CDH23: variants seen among roughly 807,000 people sequenced by gnomAD.
The protein encoded by CDH23 is cadherin-23.
A neutral mutation model predicts 317.1 loss-of-function variants in CDH23; 189 were observed. The observed-to-expected ratio is 0.60, with a 90% CI of 0.53 to 0.67. The LOEUF is 0.67. CDH23 is among the 30% of genes least tolerant of loss of function. The probability of loss-of-function intolerance (pLI) is 0.00; values close to 1 mark genes in which losing one functional copy is unlikely to be tolerated. For missense variants in CDH23, 4,401 were observed against 4,592.4 expected, an observed-to-expected ratio of 0.96 and a Z score of 1.20; for synonymous variants, 1,839 against 1,876.8, an observed-to-expected ratio of 0.98 and a Z score of 0.52.
chr10:71,409,923 C>G (rs1848274302), intron 1 of CDH23, among the ~76,000 whole-genome samples: 1 of 152,208 alleles, frequency 6.6e-6, no homozygotes, highest in East Asian at 1.9e-4. Context: ...TGTGCCTGGT[C>G]TGGGTGGGTG....
chr10:71,502,043 C>T (rs1853366832), intron 3 of CDH23, among the ~76,000 whole-genome samples: 1 of 152,240 alleles, frequency 6.6e-6, no homozygotes, highest in East Asian at 1.9e-4. Context: ...AGGCGGCCCT[C>T]TCCCGGCCAG....
At chr10:71,531,507 A>G (rs1314013150) in intron 6 of CDH23, among the ~76,000 whole-genome samples, 1 of 152,214 alleles carries the variant, frequency 6.6e-6, no homozygotes, top group African/African-American at 2.4e-5. Flanking sequence ...AGTCGCCCAC[A>G]GCCTTTGCCT....
intron 38 of CDH23, chr10:71,760,570 C>T (rs1196482455): frequency 6.5e-6 from 2 of 306,132 alleles, no homozygotes; most frequent in Non-Finnish European, 1.2e-5. Flanking sequence ...CACTTAGCTG[C>T]CTGGGGCACC....
In CDH23 at chr10:71,716,059, C is replaced by G. The variant is rs770226841; in HGVS notation, c.3369+3246C>G. ...TGTGCAGGGAGAGGCGCAAGGAGCCCAGGCGCTTCCAGAGCCGGAGCTGGG... is the reference window on the plus strand; with the variant it reads ...TGTGCAGGGAGAGGCGCAAGGAGCCGAGGCGCTTCCAGAGCCGGAGCTGGG... On this transcript the variant is annotated intron_variant, in intron 28 of 69. Coordinates refer to ENST00000224721, the MANE Select transcript of CDH23 (RefSeq NM_022124.6). The G allele has an allele frequency of 3.0e-5, 45 of 1,512,330 alleles. No individual in the cohort carries two copies. In the African/African-American group the frequency reaches 5.2e-4, roughly 17 times the overall value. The allele number at this position is 1,512,330 out of a possible 1,614,324, so 93.7% of individuals were successfully genotyped here.
intron 38 of CDH23, chr10:71,755,417 G>A (rs1186317060): frequency 1.2e-6 from 2 of 1,613,568 alleles, no homozygotes; most frequent in South Asian, 2.2e-5. Context: ...GGGGGAGGCA[G>A]AGGATTCCTA....
intron 3 of CDH23, among the ~76,000 whole-genome samples, chr10:71,462,511 A>G (rs1219222862): frequency 6.6e-6 from 1 of 152,134 alleles, no homozygotes; most frequent in Admixed American, 6.5e-5. Flanking sequence ...CGGTCACCAC[A>G]CTCACAGTGT....
intron 6 of CDH23, among the ~76,000 whole-genome samples, chr10:71,533,491 A>T (rs1347718202): frequency 6.6e-6 from 1 of 151,464 alleles, no homozygotes. Flanking sequence ...ACAAGTAGAA[A>T]CCCACGCAAT....
intron 16 of CDH23, 38 bp downstream of exon 16, chr10:71,677,731 C>G: frequency 6.8e-7 from 1 of 1,471,998 alleles, no homozygotes; most frequent in Admixed American, 2.0e-5. Flanking sequence ...TGCCATTTAT[C>G]TTAGCCTTCT....
At chr10:71,767,216 C>A (rs1379337613) in intron 38 of CDH23, among the ~76,000 whole-genome samples, 1 of 152,246 alleles carries the variant, frequency 6.6e-6, no homozygotes, top group African/African-American at 2.4e-5. Flanking sequence ...ACCCAGCAGG[C>A]CCCGGGTGAC....
At chr10:71,615,767 T>G (rs948634120) in intron 10 of CDH23, among the ~76,000 whole-genome samples, 151 bp downstream of exon 10, 1 of 152,208 alleles carries the variant, frequency 6.6e-6, no homozygotes, top group Non-Finnish European at 1.5e-5. Flanking sequence ...CTCCCGGGGC[T>G]GTGCCCAGGG....
rs990437226 is a variant in CDH23 at position 71,510,897 on chromosome 10, G to A, written c.289-57G>A. The A allele has an allele frequency of 1.1e-4, 169 of 1,584,210 alleles. 1 individual carries two copies. Among genetic ancestry groups the A allele is most frequent in the Non-Finnish European group, 1.4e-4 (161 of 1,153,008 alleles). Reference sequence around the variant, plus strand: ...CCCTCCCGCCCCATTTAGGGCCCAGGACCCAGGACCTCAGCACCGCCTAAC... The same window carrying A: ...CCCTCCCGCCCCATTTAGGGCCCAGAACCCAGGACCTCAGCACCGCCTAAC... On this transcript the variant is annotated intron_variant, in intron 4 of 69. Coordinates refer to ENST00000224721, the MANE Select transcript of CDH23 (RefSeq NM_022124.6).
At chr10:71,673,270 G>A (rs1012853284) in intron 14 of CDH23, among the ~76,000 whole-genome samples, 10 of 152,202 alleles carry the variant, frequency 6.6e-5, no homozygotes, top group African/African-American at 2.4e-4. Context: ...AATGATGGGG[G>A]CCAAGGAGGT....
chr10:71,471,171 A>C (rs1004253381), intron 3 of CDH23, among the ~76,000 whole-genome samples: 1 of 151,914 alleles, frequency 6.6e-6, no homozygotes, highest in Non-Finnish European at 1.5e-5. Flanking sequence ...GCACTCGCCC[A>C]CTCTTGACCG....
chr10:71,649,347 A>G (rs891861079), intron 14 of CDH23, among the ~76,000 whole-genome samples: 34 of 152,248 alleles, frequency 2.2e-4, no homozygotes, highest in Admixed American at 1.6e-3. Context: ...GAGTTGTGTC[A>G]GGAAAAAAAT....
intron 27 of CDH23, chr10:71,712,407 C>T: frequency 2.3e-6 from 1 of 440,316 alleles, no homozygotes. Context: ...ATGGGGATGA[C>T]AGTAAAGTGT....
At chr10:71,697,799 C>T (rs995962064) in intron 22 of CDH23, among the ~76,000 whole-genome samples, 3 of 152,208 alleles carry the variant, frequency 2.0e-5, no homozygotes, top group Non-Finnish European at 2.9e-5. Context: ...CTACAAAACC[C>T]GCAGGGTCTG....
At chr10:71,480,242 C>T (rs1851998000) in intron 3 of CDH23, among the ~76,000 whole-genome samples, 1 of 152,236 alleles carries the variant, frequency 6.6e-6, no homozygotes, top group Non-Finnish European at 1.5e-5. Flanking sequence ...GGTGGCCGGG[C>T]AGGACCTGTG....
chr10:71,543,098 G>C (rs1306578648), intron 6 of CDH23, among the ~76,000 whole-genome samples: 2 of 152,232 alleles, frequency 1.3e-5, no homozygotes, highest in African/African-American at 4.8e-5. Context: ...CGAATGCACA[G>C]ACTTATGAGA....
At chr10:71,806,924 G>C (rs1314461304) in intron 57 of CDH23, among the ~76,000 whole-genome samples, 2 of 152,206 alleles carry the variant, frequency 1.3e-5, no homozygotes, top group African/African-American at 2.4e-5. Flanking sequence ...CCCTCCTGTG[G>C]ACTCCAACTC....
Sources: gnomAD v4.1 joint callset for allele counts (sites outside exome capture counted in the v4.1 genomes callset) on GRCh38, gnomAD v4.1.1 for gene constraint, MANE v1.5 for transcripts, NCBI Gene and HGNC (gene_info 2026-07-23, HGNC 2026-07-21) for gene names.